Variants in SPON1 observed in about 807,000 individuals in gnomAD.
SPON1 encodes the protein spondin-1.
In SPON1, 52 loss-of-function variants were observed where a neutral mutation model predicts 111.7. That is an observed-to-expected ratio of 0.47 (90% CI 0.37 to 0.59). SPON1 has a LOEUF of 0.59. SPON1 is among the 20% of genes least tolerant of loss of function. SPON1 has a pLI of 0.00. For synonymous variants in SPON1, 410 were observed against 395.8 expected, an observed-to-expected ratio of 1.04 and a Z score of -0.43; for missense variants, 957 against 1,068.5, an observed-to-expected ratio of 0.90 and a Z score of 1.46.
intron 6 of SPON1, among the ~76,000 whole-genome samples, chr11:14,234,765 C>T (rs533337755): frequency 3.3e-5 from 5 of 152,302 alleles, no homozygotes; most frequent in South Asian, 2.1e-4. Flanking sequence ...TCATTATCTA[C>T]GGACATTATG....
At chr11:14,035,614 CTTTTTTTT>C (rs57790720) in intron 2 of SPON1, among the ~76,000 whole-genome samples, 27 of 132,252 alleles carry the variant, frequency 2.0e-4, no homozygotes, top group South Asian at 7.0e-4. Flanking sequence ...ACACTTAGTT[CTTTTTTTT>C]TTTTTTTTTT....
intron 2 of SPON1, among the ~76,000 whole-genome samples, chr11:14,007,373 A>C (rs1848370276): frequency 6.6e-6 from 1 of 152,206 alleles, no homozygotes; most frequent in African/African-American, 2.4e-5. Flanking sequence ...CCAAGTCCCA[A>C]AACTGAAGAA....
At chr11:14,164,996 C>T (rs1848011229) in intron 6 of SPON1, among the ~76,000 whole-genome samples, 1 of 152,166 alleles carries the variant, frequency 6.6e-6, no homozygotes, top group Non-Finnish European at 1.5e-5. Flanking sequence ...TAGGGAGGGT[C>T]AGAAACTTGT....
chr11:14,256,726 T>A, intron 10 of SPON1, 34 bp downstream of exon 10: 1 of 1,525,306 alleles, frequency 6.6e-7, no homozygotes, highest in Non-Finnish European at 9.1e-7. Flanking sequence ...GGTGGCAACA[T>A]AAATTGACAT....
chr11:14,144,633 C>CTAA (rs782316295), intron 6 of SPON1, among the ~76,000 whole-genome samples: 8,285 of 123,916 alleles, frequency 0.067, 341 homozygotes, highest in Non-Finnish European at 0.091. Flanking sequence ...GACTCCATCT[C>CTAA]CAATAATAAT....
At chr11:14,199,099 C>A (rs1848433678) in intron 6 of SPON1, among the ~76,000 whole-genome samples, 1 of 152,086 alleles carries the variant, frequency 6.6e-6, no homozygotes, top group Non-Finnish European at 1.5e-5. Flanking sequence ...TACTAAGCAC[C>A]TAAATATCAG....
chr11:13,994,409 T>C (rs1396359141), intron 2 of SPON1, among the ~76,000 whole-genome samples: 2 of 152,148 alleles, frequency 1.3e-5, no homozygotes, highest in Admixed American at 6.6e-5. Context: ...TTTATGGTTC[T>C]AATATGTATT....
At chr11:14,060,268 A>G (rs1015135374) in intron 3 of SPON1, among the ~76,000 whole-genome samples, 3 of 152,116 alleles carry the variant, frequency 2.0e-5, no homozygotes, top group Non-Finnish European at 4.4e-5. Flanking sequence ...GCTTTTGTAC[A>G]TTTTCTTTTG....
intron 5 of SPON1, among the ~76,000 whole-genome samples, chr11:14,126,807 C>T (rs1847465390): frequency 6.6e-6 from 1 of 152,116 alleles, no homozygotes; most frequent in African/African-American, 2.4e-5. Context: ...CCTCCTGATA[C>T]CTGAGTCTTT....
intron 6 of SPON1, among the ~76,000 whole-genome samples, chr11:14,197,043 C>T (rs185105847): frequency 2.0e-5 from 3 of 152,220 alleles, no homozygotes; most frequent in Admixed American, 1.3e-4. Context: ...GAGTGAGGCT[C>T]TGTCTCAAAA....
chr11:13,992,135 T>C (rs1848235920), intron 2 of SPON1, among the ~76,000 whole-genome samples: 1 of 152,220 alleles, frequency 6.6e-6, no homozygotes, highest in Non-Finnish European at 1.5e-5. Context: ...GCAGGGCCTT[T>C]TAAGTCTGCT....
chr11:14,150,541 GTATCAAAA>G (rs1317770869), intron 6 of SPON1, among the ~76,000 whole-genome samples: 1 of 151,986 alleles, frequency 6.6e-6, no homozygotes, highest in African/African-American at 2.4e-5. Context: ...TTGTGTACAT[GTATCAAAA>G]TATCACACTA....
intron 6 of SPON1, among the ~76,000 whole-genome samples, chr11:14,171,465 G>A (rs1433424112): frequency 7.9e-5 from 12 of 152,098 alleles, no homozygotes; most frequent in African/African-American, 2.9e-4. Flanking sequence ...TGGATTTTTT[G>A]AAGGGTTTTT....
chr11:14,176,950 T>C (rs1314717444), intron 6 of SPON1, among the ~76,000 whole-genome samples: 1 of 152,126 alleles, frequency 6.6e-6, no homozygotes, highest in Non-Finnish European at 1.5e-5. Context: ...GAAAGAGAAA[T>C]TCATGCAGAT....
Position 14,250,850 on chromosome 11 carries a change from T to C in SPON1, c.891-3678T>C, listed in dbSNP as rs1849045849. ...TTATAGAATAAATACTTTGAAGTGA[T>C]GCTTAATTAAATTTGAAGGTCAAAG... is the stretch of plus-strand genomic sequence containing the variant. On this transcript the variant is annotated intron_variant, in intron 7 of 15. Coordinates refer to ENST00000576479, the MANE Select transcript of SPON1 (RefSeq NM_006108.4). Among the ~76,000 whole-genome samples, 3 of 152,362 alleles carry C rather than the reference T, an allele frequency of 2.0e-5. No homozygotes were observed. In the South Asian group the frequency reaches 6.2e-4, roughly 32 times the overall value.
At chr11:14,003,073 G>C (rs1340223332) in intron 2 of SPON1, among the ~76,000 whole-genome samples, 8 of 152,114 alleles carry the variant, frequency 5.3e-5, no homozygotes, top group Non-Finnish European at 1.2e-4. Context: ...CGCGTTGTCC[G>C]TGCACACTCC....
Position 14,259,256 on chromosome 11 carries a change from C to G in SPON1, c.1493-24C>G, listed in dbSNP as rs1554941578. ...GCGCCCCTGCCACCGTGCACTGCTG[C>G]AGCGTTCACTCGGTGTGTTGCAGAC... On this transcript the variant is annotated intron_variant, in intron 11 of 15. Coordinates refer to ENST00000576479, the MANE Select transcript of SPON1 (RefSeq NM_006108.4). The surrounding 1 kb of genome is among the most constrained non-coding windows in gnomAD (Gnocchi z 5.0). The G allele has an allele frequency of 6.3e-7, 1 of 1,591,260 alleles. No homozygotes were observed.
intron 3 of SPON1, 56 bp downstream of exon 3, chr11:14,041,710 G>A: frequency 6.4e-7 from 1 of 1,570,478 alleles, no homozygotes; most frequent in Admixed American, 2.0e-5. Flanking sequence ...TGGTGTGATT[G>A]CAGGGAAAAA....
chr11:13,986,209 A>G (rs1848181344), intron 2 of SPON1, among the ~76,000 whole-genome samples: 1 of 152,184 alleles, frequency 6.6e-6, no homozygotes, highest in Admixed American at 6.6e-5. Flanking sequence ...TCAACAAGTC[A>G]CCCATTGAAA....
Sources: gnomAD v4.1 joint callset for allele counts (sites outside exome capture counted in the v4.1 genomes callset) on GRCh38, gnomAD v4.1.1 for gene constraint, Gnocchi (gnomAD v3.1) non-coding constraint, MANE v1.5 for transcripts, NCBI Gene and HGNC (gene_info 2026-07-23, HGNC 2026-07-21) for gene names.